Variants in KRCC1 observed in about 807,000 individuals in gnomAD.
KRCC1 encodes the protein lysine-rich coiled-coil protein 1.
In KRCC1, 3 loss-of-function variants were observed where a neutral mutation model predicts 7.4. The ratio of observed to expected loss-of-function variants is 0.40; its 90% CI spans 0.18 to 1.04. The LOEUF (loss-of-function observed/expected upper bound fraction) is 1.04, where lower values mean the gene tolerates loss of function less well. Ranked by LOEUF, KRCC1 falls within the 50% of genes least tolerant of loss-of-function variation. The pLI, the probability that KRCC1 is intolerant of heterozygous loss-of-function variation, is 0.33. For synonymous variants in KRCC1, 102 were observed against 101.6 expected (o/e 1.00, Z -0.02); for missense variants, 277 against 300.9 (o/e 0.92, Z 0.59).
chr2:88,038,735 A>G (rs1673144319), intron 1 of KRCC1, among the ~76,000 whole-genome samples: 1 of 152,204 alleles, frequency 6.6e-6, no homozygotes, highest in African/African-American at 2.4e-5. Context: ...TTTCCTTTCA[A>G]GGTGGTAGGA....
Position 88,027,949 on chromosome 2 carries a change from T to C in KRCC1, c.615A>G (p.Glu205=), listed in dbSNP as rs758533565. Residue 205 remains glutamate (E), a synonymous_variant, in exon 4 of 4, where the codon GAA becomes GAG. Coordinates refer to ENST00000347055, the MANE Select transcript of KRCC1 (RefSeq NM_016618.3). The stretch of plus-strand genomic sequence containing the variant: ...GCTTTTCTGTACTGACATGTACGGT[T>C]TCTATTTCCACCTCTGTTTTCTTTC... The part of the protein sequence containing the change: ...IQRKKTEVEI[E]TVHVSTEKLK... 9.9e-6 allele frequency: 16 copies of C among 1,613,824 alleles called. No individual in the cohort carries two copies. Among genetic ancestry groups the C allele is most frequent in the African/African-American group, 2.7e-5 (2 of 74,868 alleles).
chr2:88,028,689 G>A (rs12328217), intron 3 of KRCC1, 104 bp from the exon 4 acceptor site: 472,499 of 669,822 alleles, frequency 0.71, 168,615 homozygotes, highest in South Asian at 0.81. Flanking sequence ...TCGCCCTGTC[G>A]CCCAGACTAG....
rs768904269 is a variant in KRCC1, at chr2:88,028,040, C to A, written c.524G>T (p.Arg175Leu). ...EEGREKSEEE[R>L]SKHKRKKSCE... Reference sequence around the variant, plus strand: ...GCTTTTTTTTCTCTTATGCTTAGACCGCTCCTCCTCTGATTTTTCTCTGCC... The same window carrying A: ...GCTTTTTTTTCTCTTATGCTTAGACAGCTCCTCCTCTGATTTTTCTCTGCC... Residue 175 changes from arginine (R) to leucine (L), a missense_variant, in exon 4 of 4, where the codon CGG becomes CTG. Physicochemically the swap from Arg to Leu is moderately radical, Grantham distance 102. Transcript: ENST00000347055. The A allele has an allele frequency of 6.2e-7, 1 of 1,613,824 alleles. No homozygotes were observed. Among genetic ancestry groups the A allele is most frequent in the Middle Eastern group, 1.6e-4 (1 of 6,062 alleles).
In KRCC1 at chr2:88,048,158, C is replaced by G. The variant is rs575052448; in HGVS notation, c.-291+7468G>C. On this transcript the variant is annotated intron_variant, in intron 1 of 3. Coordinates refer to ENST00000347055, the MANE Select transcript of KRCC1 (RefSeq NM_016618.3). ...GGTGCAGTGGTGGGATCTCGGCTCA[C>G]AGCAACCTTCACCTCCTGGGTTCAA... is the stretch of plus-strand genomic sequence containing the variant. Among the ~76,000 whole-genome samples, 11 of 151,120 alleles carry G rather than the reference C, an allele frequency of 7.3e-5. No homozygotes were observed. The South Asian group carries it at 2.3e-3, about 32-fold the overall frequency.
rs1672924336 is a variant in KRCC1, at chr2:88,028,452, C to G, written c.112G>C (p.Gly38Arg). ...TACCCACAGGTTTCCAAATAGTCCC[C>G]TTTCATCTTTCTGAAACAAGTCTTT... is the stretch of plus-strand genomic sequence containing the variant. ...EPKTCFRKMK[G>R]DYLETCGYKG... The change falls in exon 4 of 4, where the codon GGG (glycine) becomes CGG (arginine). Residue 38 changes from glycine (G) to arginine (R), a missense_variant. By Grantham distance (125) the Gly-to-Arg change is moderately radical. Coordinates refer to ENST00000347055, the MANE Select transcript of KRCC1 (RefSeq NM_016618.3). The G allele has an allele frequency of 6.2e-7, 1 of 1,614,068 alleles. No individual in the cohort carries two copies. The highest frequency in any genetic ancestry group is 2.2e-5 in the East Asian group (1 of 44,872).
intron 1 of KRCC1, among the ~76,000 whole-genome samples, chr2:88,052,039 T>A (rs1211476560): frequency 6.6e-6 from 1 of 152,250 alleles, no homozygotes; most frequent in African/African-American, 2.4e-5. Flanking sequence ...ACCATGTTCC[T>A]CGTGGGTTTA....
intron 3 of KRCC1, among the ~76,000 whole-genome samples, chr2:88,031,574 A>G (rs1672991521): frequency 6.6e-6 from 1 of 152,082 alleles, no homozygotes; most frequent in Non-Finnish European, 1.5e-5. Flanking sequence ...GTGAGCCGAG[A>G]TCGTGCCACT....
intron 2 of KRCC1, among the ~76,000 whole-genome samples, chr2:88,035,506 G>A (rs914561158): frequency 6.6e-6 from 1 of 151,998 alleles, no homozygotes; most frequent in African/African-American, 2.4e-5. Flanking sequence ...AAAATGTCTG[G>A]GTCCTCTCTG....
At chr2:88,046,914 T>C (rs1488667275) in intron 1 of KRCC1, among the ~76,000 whole-genome samples, 3 of 152,182 alleles carry the variant, frequency 2.0e-5, no homozygotes, top group Non-Finnish European at 4.4e-5. Context: ...GCTGAAGGAA[T>C]CCACCTGCCT....
rs535691318 is a variant in KRCC1, at chr2:88,034,710, T to C, written c.-181-418A>G. Among the ~76,000 whole-genome samples the C allele has an allele frequency of 7.9e-5, 12 of 152,312 alleles. No individual in the cohort carries two copies. The South Asian group carries it at 1.9e-3, about 24-fold the overall frequency. On this transcript the variant is annotated intron_variant, in intron 2 of 3. Transcript: ENST00000347055. Reference sequence around the variant, plus strand: ...ATACATTTTGAATATACATGAACTATAGTCACCTTCTTGTGCAATAGAACA... The same window carrying C: ...ATACATTTTGAATATACATGAACTACAGTCACCTTCTTGTGCAATAGAACA...
At chr2:88,055,362 TG>T (rs368037217) in intron 1 of KRCC1, among the ~76,000 whole-genome samples, 3 of 152,206 alleles carry the variant, frequency 2.0e-5, no homozygotes, top group African/African-American at 7.2e-5. Context: ...GATTTCCTCT[TG>T]GTCGCCCCTA....
rs148624270 is a variant in KRCC1, at chr2:88,043,301, T to C, written c.-290-6250A>G. 1.8e-4 allele frequency among the ~76,000 whole-genome samples: 28 copies of C among 152,332 alleles called. No individual in the cohort carries two copies. The East Asian group carries it at 5.2e-3, about 28-fold the overall frequency. On this transcript the variant is annotated intron_variant, in intron 1 of 3. Coordinates refer to ENST00000347055, the MANE Select transcript of KRCC1 (RefSeq NM_016618.3). ...AAGTTTCATGGTTTACCTTAACAACTCATGAACTTCTTGAACTCTAGTCTT... is the reference window on the plus strand; with the variant it reads ...AAGTTTCATGGTTTACCTTAACAACCCATGAACTTCTTGAACTCTAGTCTT...
At chr2:88,044,685 T>G (rs1248484421) in intron 1 of KRCC1, among the ~76,000 whole-genome samples, 1 of 152,136 alleles carries the variant, frequency 6.6e-6, no homozygotes, top group Non-Finnish European at 1.5e-5. Context: ...AGAGCCATGC[T>G]GTCTAGTAAA....
rs887270155 is a variant in KRCC1 at position 88,028,223 on chromosome 2, T to G, written c.341A>C (p.Lys114Thr). 11 of 1,614,196 alleles carry G rather than the reference T, an allele frequency of 6.8e-6. No individual in the cohort carries two copies. Among genetic ancestry groups the G allele is most frequent in the Non-Finnish European group, 8.5e-6 (10 of 1,180,038 alleles). Residue 114 changes from lysine (K) to threonine (T), a missense_variant, in exon 4 of 4, where the codon AAA (lysine) becomes ACA (threonine). Coordinates refer to ENST00000347055, the MANE Select transcript of KRCC1 (RefSeq NM_016618.3). The part of the protein sequence containing the change: ...CQFTRDCFSE[K>T]PVPLNFNQQE... ...TTGATTAAAGTTCAGGGGTACTGGT[T>G]TTTCTGAGAAACAGTCCCTCGTGAA...
At chr2:88,029,440 A>G (rs1672950126) in intron 3 of KRCC1, among the ~76,000 whole-genome samples, 1 of 152,178 alleles carries the variant, frequency 6.6e-6, no homozygotes. Flanking sequence ...AAAATCAGAA[A>G]TTCAGTTATA....
intron 1 of KRCC1, among the ~76,000 whole-genome samples, chr2:88,038,155 T>G (rs1673131750): frequency 6.6e-6 from 1 of 152,188 alleles, no homozygotes; most frequent in Non-Finnish European, 1.5e-5. Flanking sequence ...CAACCCAACA[T>G]ATACAACCCA....
chr2:88,049,851 G>T (rs1167852710), intron 1 of KRCC1, among the ~76,000 whole-genome samples: 3 of 152,170 alleles, frequency 2.0e-5, no homozygotes, highest in Non-Finnish European at 4.4e-5. Flanking sequence ...ATTCTTCCAG[G>T]CTGCCAACTT....
In KRCC1 at chr2:88,055,782, A is replaced by C. The variant is rs1417188788; in HGVS notation, c.-447T>G. 4.6e-5 allele frequency: 7 copies of C among 153,224 alleles called. No homozygotes were observed. Among genetic ancestry groups the C allele is most frequent in the Non-Finnish European group, 7.3e-5 (5 of 68,784 alleles). 9.5% of individuals were successfully genotyped at this position (153,224 alleles called of 1,614,324 possible). On this transcript the variant is annotated 5_prime_UTR_variant, in exon 1 of 4. Coordinates refer to ENST00000347055, the MANE Select transcript of KRCC1 (RefSeq NM_016618.3). ...GCCGAGCAGGCTGGATGGGAGGAGG[A>C]GGCGGAGACCCGGCTTCCTGAGGGG...
At chr2:88,035,613 A>G (rs1673076703) in intron 2 of KRCC1, among the ~76,000 whole-genome samples, 1 of 152,204 alleles carries the variant, frequency 6.6e-6, no homozygotes, top group Non-Finnish European at 1.5e-5. Flanking sequence ...CCATAACAGA[A>G]AATAATCTCT....
Sources: allele counts gnomAD v4.1 joint callset (sites outside exome capture counted in the v4.1 genomes callset), GRCh38; gene constraint gnomAD v4.1.1; transcripts MANE v1.5; gene names NCBI Gene and HGNC (gene_info 2026-07-23, HGNC 2026-07-21).